CNTNAP2: variants seen among roughly 807,000 people sequenced by gnomAD.
CNTNAP2 encodes contactin-associated protein-like 2.
In CNTNAP2, 98 loss-of-function variants were observed where a neutral mutation model predicts 155.2. That is an observed-to-expected ratio of 0.63 (90% CI 0.54 to 0.75). The LOEUF is 0.75. Among genes scored for constraint, CNTNAP2 ranks in the 30% least tolerant of loss-of-function variants. The probability of loss-of-function intolerance (pLI) is 0.00; values close to 1 mark genes in which losing one functional copy is unlikely to be tolerated. For synonymous variants in CNTNAP2, 651 were observed against 631.2 expected (o/e 1.03, Z -0.47); for missense variants, 1,727 against 1,688.1 (o/e 1.02, Z -0.40).
At chr7:147,320,856 G>A (rs1040827528) in intron 9 of CNTNAP2, among the ~76,000 whole-genome samples, 1 of 152,142 alleles carries the variant, frequency 6.6e-6, no homozygotes, top group African/African-American at 2.4e-5. Context: ...TTCCTGTCTA[G>A]TGGGCTGCAT....
chr7:147,748,448 C>T (rs1193930329), intron 13 of CNTNAP2, among the ~76,000 whole-genome samples: 2 of 152,164 alleles, frequency 1.3e-5, no homozygotes, highest in East Asian at 1.9e-4. Flanking sequence ...TATTGGTACA[C>T]TTAATGATAA....
At chr7:146,590,900 A>G (rs1230632882) in intron 1 of CNTNAP2, among the ~76,000 whole-genome samples, 2 of 152,134 alleles carry the variant, frequency 1.3e-5, no homozygotes, top group Non-Finnish European at 2.9e-5. Flanking sequence ...TCCTGGACAC[A>G]TTGTTTTTTC....
chr7:147,568,149 T>G (rs190533794), intron 12 of CNTNAP2, among the ~76,000 whole-genome samples: 53 of 151,902 alleles, frequency 3.5e-4, no homozygotes, highest in Middle Eastern at 3.4e-3. Context: ...TAAAGTTCAG[T>G]AATTGGAATA....
chr7:146,734,898 T>TCAC (rs1332828370), intron 1 of CNTNAP2, among the ~76,000 whole-genome samples: 2 of 152,214 alleles, frequency 1.3e-5, no homozygotes, highest in Non-Finnish European at 2.9e-5. Flanking sequence ...CTGTTATCTT[T>TCAC]CACCTCTGGA....
chr7:146,788,308 G>A lies in CNTNAP2; in HGVS notation c.208+13927G>A, dbSNP rs114416775. On this transcript the variant is annotated intron_variant, in intron 2 of 23. Transcript: ENST00000361727. The stretch of plus-strand genomic sequence containing the variant: ...CTGGAGTGCGGCCAGAGTGGACGCC[G>A]AGGCCGAGGAGGCACCAAGAGCCAG... 3.5e-3 allele frequency among the ~76,000 whole-genome samples: 536 copies of A among 152,354 alleles called. 4 individuals are homozygous for A. The highest frequency in any genetic ancestry group is 0.012 in the African/African-American group (504 of 41,588).
At chr7:147,521,203 G>T (rs1312039814) in intron 11 of CNTNAP2, among the ~76,000 whole-genome samples, 2 of 152,092 alleles carry the variant, frequency 1.3e-5, no homozygotes, top group Non-Finnish European at 2.9e-5. Flanking sequence ...GAATCCCTAG[G>T]ATAAATTCCA....
chr7:148,410,510 T>G (rs926740725), intron 23 of CNTNAP2, among the ~76,000 whole-genome samples: 3 of 138,802 alleles, frequency 2.2e-5, no homozygotes, highest in African/African-American at 8.0e-5. Flanking sequence ...GAGGTTGCAG[T>G]GAGCTGAGAT....
In CNTNAP2 at chr7:148,147,548, T is replaced by G; in HGVS notation, c.2612T>G (p.Val871Gly). Residue 871 changes from valine (V) to glycine (G), a missense_variant, in exon 17 of 24, where the codon GTG becomes GGG. Transcript: ENST00000361727. Reference protein sequence around the residue: ...DVGNGPVEIVVRSPTPLNDDQ... With the variant: ...DVGNGPVEIVGRSPTPLNDDQ... Reference sequence around the variant, plus strand: ...GGAAATGGGCCAGTAGAGATTGTAGTGAGGTCACCAACCCCTCTCAACGAT... The same window carrying G: ...GGAAATGGGCCAGTAGAGATTGTAGGGAGGTCACCAACCCCTCTCAACGAT... 6.2e-7 allele frequency: 1 copy of G among 1,614,086 alleles called. No individual in the cohort carries two copies. The highest frequency in any genetic ancestry group is 1.6e-4 in the Middle Eastern group (1 of 6,062).
intron 1 of CNTNAP2, among the ~76,000 whole-genome samples, chr7:146,771,820 A>G (rs1263947213): frequency 6.6e-6 from 1 of 152,186 alleles, no homozygotes; most frequent in Non-Finnish European, 1.5e-5. Flanking sequence ...TGTTGCTAAA[A>G]TATTTTTTGC....
At chr7:146,937,804 A>G (rs1346559207) in intron 3 of CNTNAP2, among the ~76,000 whole-genome samples, 1 of 152,234 alleles carries the variant, frequency 6.6e-6, no homozygotes, top group Non-Finnish European at 1.5e-5. Context: ...TCAAGCACAA[A>G]GTTTGAAGAC....
chr7:148,107,245 G>A (rs118043016), intron 15 of CNTNAP2, among the ~76,000 whole-genome samples: 2,741 of 152,214 alleles, frequency 0.018, 57 homozygotes, highest in Middle Eastern at 0.054. Flanking sequence ...CCCAGAACCT[G>A]GCTATAGGTC....
At chr7:147,396,824 T>C (rs1796824356) in intron 10 of CNTNAP2, among the ~76,000 whole-genome samples, 1 of 152,094 alleles carries the variant, frequency 6.6e-6, no homozygotes, top group African/African-American at 2.4e-5. Flanking sequence ...ATTAATTTTG[T>C]GTTTAGGGAA....
chr7:147,568,341 A>G (rs1272612591), intron 12 of CNTNAP2, among the ~76,000 whole-genome samples: 1 of 152,176 alleles, frequency 6.6e-6, no homozygotes, highest in Non-Finnish European at 1.5e-5. Flanking sequence ...TTCATTTTTT[A>G]TCGTAAGGCA....
intron 1 of CNTNAP2, among the ~76,000 whole-genome samples, chr7:146,205,817 A>G (rs1457940436): frequency 1.3e-5 from 2 of 151,906 alleles, no homozygotes; most frequent in African/African-American, 2.4e-5. Flanking sequence ...TGTTTTAGGA[A>G]TATGTTTTTT....
At chr7:147,333,407 AAAAAT>A (rs1442277968) in intron 9 of CNTNAP2, among the ~76,000 whole-genome samples, 1 of 152,242 alleles carries the variant, frequency 6.6e-6, no homozygotes, top group African/African-American at 2.4e-5. Flanking sequence ...TAAAATAGAC[AAAAAT>A]AAAATAAAAA....
chr7:147,455,075 C>G (rs1359623155), intron 10 of CNTNAP2, among the ~76,000 whole-genome samples: 1 of 152,110 alleles, frequency 6.6e-6, no homozygotes, highest in African/African-American at 2.4e-5. Flanking sequence ...GCTTCCCCGT[C>G]TTCAACTTTG....
At chr7:147,438,895 G>C (rs939383940) in intron 10 of CNTNAP2, among the ~76,000 whole-genome samples, 1 of 151,918 alleles carries the variant, frequency 6.6e-6, no homozygotes, top group Non-Finnish European at 1.5e-5. Context: ...GCTCATAGTA[G>C]CCACTGATAA....
chr7:146,553,686 A>G (rs1584978787), intron 1 of CNTNAP2, among the ~76,000 whole-genome samples: 1 of 152,176 alleles, frequency 6.6e-6, no homozygotes, highest in African/African-American at 2.4e-5. Context: ...TATTATACAA[A>G]GATTACTATG....
At chr7:147,863,142 C>A (rs1373121899) in intron 13 of CNTNAP2, among the ~76,000 whole-genome samples, 1 of 152,132 alleles carries the variant, frequency 6.6e-6, no homozygotes. Context: ...CAAGTGTTCT[C>A]ATTGTTCATT....
Sources: gnomAD v4.1 joint callset for allele counts (sites outside exome capture counted in the v4.1 genomes callset) on GRCh38, gnomAD v4.1.1 for gene constraint, MANE v1.5 for transcripts, NCBI Gene and HGNC (gene_info 2026-07-23, HGNC 2026-07-21) for gene names.